Variants in TPP1 observed in about 807,000 individuals in gnomAD.
TPP1 encodes tripeptidyl-peptidase 1.
Under a neutral mutation model 67.6 loss-of-function variants are expected in TPP1, and 43 were observed. The observed-to-expected ratio is 0.64, with a 90% confidence interval of 0.50 to 0.82. The LOEUF (loss-of-function observed/expected upper bound fraction) is 0.82. Among genes scored for constraint, TPP1 ranks in the 40% least tolerant of loss-of-function variants. TPP1 has a pLI of 0.00. For synonymous variants in TPP1, 272 were observed against 281.5 expected (o/e 0.97, Z 0.34); for missense variants, 671 against 710.9 (o/e 0.94, Z 0.64).
intron 7 of TPP1, 55 bp downstream of exon 7, chr11:6,616,606 G>A: frequency 6.2e-7 from 1 of 1,612,574 alleles, no homozygotes; most frequent in South Asian, 1.1e-5. Context: ...GAGGGAGCAG[G>A]GATCAACACC....
In TPP1 at chr11:6,617,157, T is replaced by C. The variant is rs1589948696; in HGVS notation, c.509-4A>G. 1 of 1,614,042 alleles carries C rather than the reference T, an allele frequency of 6.2e-7. No individual in the cohort carries two copies. Among genetic ancestry groups the C allele is most frequent in the African/African-American group, 1.3e-5 (1 of 74,992 alleles). On this transcript the variant is annotated splice_region_variant and splice_polypyrimidine_tract_variant and intron_variant, in intron 5 of 12. Coordinates refer to ENST00000299427, the MANE Select transcript of TPP1 (RefSeq NM_000391.4). The stretch of plus-strand genomic sequence containing the variant: ...GGAAAACGGTGCAGTCCCCCCACTG[T>C]AGGGAGAAGTCAGGCTTGAGGAGAT...
rs763854371 is a variant in TPP1, at chr11:6,616,465, T to C, written c.925A>G (p.Met309Val). 11 of 1,610,970 alleles carry C rather than the reference T, an allele frequency of 6.8e-6. No individual in the cohort carries two copies. The highest frequency in any genetic ancestry group is 5.0e-5 in the Admixed American group (3 of 59,884). ...AGGGCTGACTCATTACTGAGCAGCA[T>C]GAGCCACTGCAGGAAGGGCTCCTGT... ...EGQEPFLQWL[M>V]LLSNESALPH... The change falls in exon 8 of 13, where the codon ATG (methionine) becomes GTG (valine). Residue 309 changes from methionine (M) to valine (V), a missense_variant. Physicochemically the swap from Met to Val is conservative, Grantham distance 21. Transcript: ENST00000299427.
rs1216139602 is a variant in TPP1 at position 6,614,644 on chromosome 11, C to CT, written c.1593dup (p.Glu532ArgfsTer76). ...GGACCAGAGCAGAAACCCTGGCCCT[C>CT]TACCTCTTCATCCAGACAGGACTCA... On this transcript the variant is annotated frameshift_variant, in exon 13 of 13. Coordinates refer to ENST00000299427, the MANE Select transcript of TPP1 (RefSeq NM_000391.4). LOFTEE classifies it high-confidence loss of function. 5.0e-6 allele frequency: 8 copies of CT among 1,614,032 alleles called. No homozygotes were observed. Among genetic ancestry groups the CT allele is most frequent in the Non-Finnish European group, 6.8e-6 (8 of 1,180,014 alleles).
At chr11:6,618,957 G>C (rs1259572658) in intron 2 of TPP1, 42 bp from the exon 3 acceptor site, 1 of 1,608,042 alleles carries the variant, frequency 6.2e-7, no homozygotes, top group African/African-American at 1.3e-5. Context: ...GGTTAGGGTG[G>C]AGATGGAAAA....
chr11:6,614,947 C>G lies in TPP1; in HGVS notation c.1470G>C (p.Glu490Asp), dbSNP rs367681647. The G allele has an allele frequency of 3.7e-6, 6 of 1,613,986 alleles. No individual in the cohort carries two copies. In the African/African-American group the frequency reaches 6.7e-5, roughly 18 times the overall value. Residue 490 changes from glutamate to aspartate, a missense_variant, in exon 12 of 13, where the codon GAG (glutamate) becomes GAC (aspartate). Transcript: ENST00000299427. ...VFGGILSLIN[E>D]HRILSGRPPL... ...GGGGGCGGCCACTAAGGATCCTGTG[C>G]TCATTGATCAAGGATAGGATCCCCC...
intron 4 of TPP1, 29 bp downstream of exon 4, chr11:6,617,597 C>T: frequency 1.9e-6 from 3 of 1,613,978 alleles, no homozygotes; most frequent in Non-Finnish European, 2.5e-6. Flanking sequence ...ATGACTGGTG[C>T]CCTCCATGGA....
At position 6,615,246 on chromosome 11, in the gene TPP1, T is replaced by G; in HGVS notation, c.1350A>C (p.Pro450=). 6.2e-7 allele frequency: 1 copy of G among 1,614,148 alleles called. No individual in the cohort carries two copies. Among genetic ancestry groups the G allele is most frequent in the Non-Finnish European group, 8.5e-7 (1 of 1,180,028 alleles). Residue 450 remains proline (P), a synonymous_variant, in exon 11 of 13, where the codon CCA becomes CCC. Transcript: ENST00000299427. ...SYFNASGRAY[P]DVAALSDGYW... is the part of the protein sequence containing the mutation. ...AGCCATCAGAAAGTGCAGCCACATCTGGGTAGGCACGGCCACTGGCATTGA... is the reference window on the plus strand; with the variant it reads ...AGCCATCAGAAAGTGCAGCCACATCGGGGTAGGCACGGCCACTGGCATTGA...
rs2134594449 is a variant in TPP1 at position 6,616,789 on chromosome 11, TGTGC to T, written c.754_757del (p.Ala252IlefsTer5). ...AACCACACGGGCTACTGATGCCTGA[TGTGC>T]AAAGTTGCCACCGAAGAGGCGCATG... On this transcript the variant is annotated frameshift_variant, in exon 7 of 13. Coordinates refer to ENST00000299427, the MANE Select transcript of TPP1 (RefSeq NM_000391.4). LOFTEE classifies it high-confidence loss of function. 3 of 1,613,894 alleles carry T rather than the reference TGTGC, an allele frequency of 1.9e-6. No homozygotes were observed. Among genetic ancestry groups the T allele is most frequent in the Non-Finnish European group, 2.5e-6 (3 of 1,180,002 alleles).
intron 2 of TPP1, 106 bp from the exon 3 acceptor site, chr11:6,619,021 G>A (rs1236252987): frequency 6.5e-7 from 1 of 1,543,302 alleles, no homozygotes; most frequent in East Asian, 2.3e-5. Context: ...GAGGATCCTA[G>A]GAGCAGATAC....
chr11:6,614,623 C>G lies in TPP1; in HGVS notation c.1615G>C (p.Gly539Arg), dbSNP rs896971560. ...EEVEGQGFCS[G>R]PGWDPVTGWG... ...CCTGTTACAGGATCCCAGCCAGGAC[C>G]AGAGCAGAAACCCTGGCCCTCTACC... The change falls in exon 13 of 13, where the codon GGT becomes CGT. Residue 539 changes from glycine to arginine, a missense_variant. Transcript: ENST00000299427. The G allele has an allele frequency of 2.5e-6, 4 of 1,614,104 alleles. No homozygotes were observed. The highest frequency in any genetic ancestry group is 2.5e-6 in the Non-Finnish European group (3 of 1,180,004).
chr11:6,617,805 C>G (rs754318870), intron 3 of TPP1, 29 bp from the exon 4 acceptor site: 1 of 1,614,068 alleles, frequency 6.2e-7, no homozygotes, highest in Admixed American at 1.7e-5. Flanking sequence ...GGCACTTGCC[C>G]TCATTCATTG....
chr11:6,617,291 T>C lies in TPP1; in HGVS notation c.508+10A>G, dbSNP rs765877652. The C allele has an allele frequency of 3.1e-6, 5 of 1,613,924 alleles. No homozygotes were observed. In the South Asian group the frequency reaches 5.5e-5, roughly 18 times the overall value. On this transcript the variant is annotated intron_variant, in intron 5 of 12. Transcript: ENST00000299427. ...TGTGCCCCAACCCCCATTCACCCCA[T>C]AGGTGTTACCAAAGTCCACATGGGG...
intron 3 of TPP1, chr11:6,618,179 G>A (rs1340062817): frequency 5.7e-6 from 2 of 350,560 alleles, no homozygotes; most frequent in Non-Finnish European, 1.1e-5. Flanking sequence ...TTAACACGAT[G>A]GTGAGTCACT....
chr11:6,619,263 G>A lies in TPP1; in HGVS notation c.22C>T (p.Leu8=). 1.2e-6 allele frequency: 2 copies of A among 1,614,138 alleles called. No homozygotes were observed. Among genetic ancestry groups the A allele is most frequent in the Middle Eastern group, 1.6e-4 (1 of 6,062 alleles). ...GAGAGGATGAGGGCAAAGAGCCCTA[G>A]GAGGCTGTAGGGGCAGCAGGTGGGT... is the stretch of plus-strand genomic sequence containing the variant. MGLQACL[L]GLFALILSGK... The change falls in exon 2 of 13, where the codon CTA becomes TTA. Residue 8 remains leucine, a synonymous_variant. Coordinates refer to ENST00000299427, the MANE Select transcript of TPP1 (RefSeq NM_000391.4).
At chr11:6,618,011 G>A (rs974032100) in intron 3 of TPP1, 19 of 587,268 alleles carry the variant, frequency 3.2e-5, no homozygotes, top group Middle Eastern at 4.3e-4. Context: ...TGCAAATGTC[G>A]CACCACAGCA....
chr11:6,617,466 G>A (rs201261198), intron 4 of TPP1, 38 bp from the exon 5 acceptor site: 98 of 1,613,896 alleles, frequency 6.1e-5, no homozygotes, highest in African/African-American at 1.5e-4. Flanking sequence ...AGCTCAAAAC[G>A]GAACAGAAGA....
rs1855542231 is a variant in TPP1, at chr11:6,614,351, A to G, written c.*195T>C. ...TTATTGAGGAATCTAAGGCAGGAGT[A>G]GGGAGACCTGAGTATGATGGAGCAT... On this transcript the variant is annotated 3_prime_UTR_variant, in exon 13 of 13. Coordinates refer to ENST00000299427, the MANE Select transcript of TPP1 (RefSeq NM_000391.4). 1 of 677,026 alleles carries G rather than the reference A, an allele frequency of 1.5e-6. No homozygotes were observed. Among genetic ancestry groups the G allele is most frequent in the East Asian group, 2.7e-5 (1 of 36,570 alleles). The allele number at this position is 677,026 out of a possible 1,614,324, so 41.9% of individuals were successfully genotyped here.
intron 11 of TPP1, 71 bp downstream of exon 11, chr11:6,615,100 G>A: frequency 1.9e-6 from 3 of 1,613,720 alleles, no homozygotes; most frequent in East Asian, 4.5e-5. Context: ...GGTTCTAGGT[G>A]CAAGGTGTTC....
At chr11:6,615,963 A>C (rs778013083) in intron 9 of TPP1, 42 bp downstream of exon 9, 1 of 1,602,006 alleles carries the variant, frequency 6.2e-7, no homozygotes, top group South Asian at 1.1e-5. Flanking sequence ...ATCACAAGTG[A>C]AAGGTGGTGG....
Sources: allele counts gnomAD v4.1 joint callset, GRCh38; gene constraint gnomAD v4.1.1; transcripts MANE v1.5; gene names NCBI Gene and HGNC (gene_info 2026-07-23, HGNC 2026-07-21).